The following CFH variants were observed in gnomAD, a reference collection of about 807,000 sequenced individuals.
The protein encoded by CFH is H factor 1 (complement).
CFH carries 53 observed loss-of-function variants against 147.3 expected under a neutral mutation model. That is an observed-to-expected ratio of 0.36 (90% CI 0.29 to 0.45). The LOEUF is 0.45. CFH is among the 20% of genes least tolerant of loss of function. The probability of loss-of-function intolerance (pLI) is 1.00; values close to 1 mark genes in which losing one functional copy is unlikely to be tolerated. For synonymous variants in CFH, 536 were observed against 489.4 expected, an observed-to-expected ratio of 1.10 and a Z score of -1.26; for missense variants, 1,380 against 1,498.0, an observed-to-expected ratio of 0.92 and a Z score of 1.30.
At position 196,736,919 on chromosome 1, in the gene CFH, G is replaced by T; in HGVS notation, c.2509G>T (p.Val837Phe). ...LNYRDGEKVSVLCQENYLIQE... is the reference protein window; with the variant it reads ...LNYRDGEKVSFLCQENYLIQE... The stretch of plus-strand genomic sequence containing the variant: ...TTATCGGGATGGAGAAAAAGTATCT[G>T]TTCTTTGCCAAGAAAATTATCTAAT... Residue 837 changes from valine to phenylalanine, a missense_variant, in exon 16 of 22, where the codon GTT (valine) becomes TTT (phenylalanine). By Grantham distance (50) the Val-to-Phe change is conservative. Coordinates refer to ENST00000367429, the MANE Select transcript of CFH (RefSeq NM_000186.4). The T allele has an allele frequency of 6.2e-7, 1 of 1,611,556 alleles. No homozygotes were observed. The highest frequency in any genetic ancestry group is 2.2e-5 in the East Asian group (1 of 44,662).
At chr1:196,670,602 C>A (rs1159715198) in intron 1 of CFH, among the ~76,000 whole-genome samples, 1 of 152,156 alleles carries the variant, frequency 6.6e-6, no homozygotes, top group African/African-American at 2.4e-5. Flanking sequence ...TCCACCATGA[C>A]TGTAACTTTC....
rs569661070 is a variant in CFH at position 196,671,600 on chromosome 1, A to ACACT, written c.59-1375_59-1374insTCAC. On this transcript the variant is annotated intron_variant, in intron 1 of 21. Transcript: ENST00000367429. Reference sequence around the variant, plus strand: ...TCAAAAGACTAATACACACACACACACACACACACACACACACACACACAC... The same window carrying ACACT: ...TCAAAAGACTAATACACACACACACACACTCACACACACACACACACACACACAC... Among the ~76,000 whole-genome samples, 853 of 149,784 alleles carry ACACT rather than the reference A, an allele frequency of 5.7e-3. 23 individuals are homozygous for ACACT. The South Asian group carries it at 0.07, about 12-fold the overall frequency.
chr1:196,723,185 C>T (rs1359861821), intron 11 of CFH, among the ~76,000 whole-genome samples: 1 of 152,124 alleles, frequency 6.6e-6, no homozygotes. Flanking sequence ...GGTTTCTTCT[C>T]ATCCAGATGA....
rs1470206508 is a variant in CFH at position 196,689,529 on chromosome 1, T to C, written c.1074T>C (p.Asp358=). Residue 358 remains aspartate, a synonymous_variant, in exon 8 of 22, where the codon GAT becomes GAC. Coordinates refer to ENST00000367429, the MANE Select transcript of CFH (RefSeq NM_000186.4). ...AVGKYYSYYC[D]EHFETPSGSY... ...GAAAATATTACTCCTATTACTGTGA[T>C]GAACATTTTGAGACTCCGTCAGGAA... 1.2e-6 allele frequency: 2 copies of C among 1,613,646 alleles called. No homozygotes were observed. Among genetic ancestry groups the C allele is most frequent in the Admixed American group, 3.3e-5 (2 of 59,956 alleles).
At chr1:196,673,267 C>A in intron 2 of CFH, 104 bp downstream of exon 2, 1 of 1,052,910 alleles carries the variant, frequency 9.5e-7, no homozygotes, top group Non-Finnish European at 1.5e-6. Flanking sequence ...TATTGCCAGT[C>A]AAATACAAAA....
At chr1:196,746,797 C>T (rs1340145291) in intron 21 of CFH, among the ~76,000 whole-genome samples, 1 of 152,132 alleles carries the variant, frequency 6.6e-6, no homozygotes, top group Admixed American at 6.5e-5. Flanking sequence ...AAAGTTTGTA[C>T]TCTTTGACCA....
At chr1:196,713,965 AG>A in intron 10 of CFH, 48 bp downstream of exon 10, 1 of 1,541,178 alleles carries the variant, frequency 6.5e-7, no homozygotes, top group East Asian at 2.3e-5. Context: ...GATACACAAA[AG>A]TTTACTAACT....
rs1353685509 is a variant in CFH at position 196,690,052 on chromosome 1, A to G, written c.1160-11A>G. ...TTTACTTTATTTATTTATCATTGTT[A>G]TGGTCCTTAGGAAAATGTTATTTTC... On this transcript the variant is annotated splice_polypyrimidine_tract_variant and intron_variant, in intron 8 of 21. Coordinates refer to ENST00000367429, the MANE Select transcript of CFH (RefSeq NM_000186.4). The G allele has an allele frequency of 1.9e-6, 3 of 1,599,486 alleles. No individual in the cohort carries two copies. Among genetic ancestry groups the G allele is most frequent in the Non-Finnish European group, 1.7e-6 (2 of 1,168,802 alleles).
At chr1:196,722,626 C>T (rs1435850874) in intron 11 of CFH, among the ~76,000 whole-genome samples, 3 of 152,126 alleles carry the variant, frequency 2.0e-5, no homozygotes, top group African/African-American at 7.2e-5. Context: ...ATAAGGATTT[C>T]TATGTCTCTA....
At chr1:196,654,358 G>T (rs192980375) in intron 1 of CFH, among the ~76,000 whole-genome samples, 1 of 151,502 alleles carries the variant, frequency 6.6e-6, no homozygotes, top group African/African-American at 2.4e-5. Flanking sequence ...TAATATATTG[G>T]GTACTACATA....
At chr1:196,743,751 G>A (rs566067966) in intron 20 of CFH, 123 bp downstream of exon 20, 4 of 1,391,210 alleles carry the variant, frequency 2.9e-6, no homozygotes, top group Admixed American at 1.8e-5. Context: ...ATGACTGATG[G>A]TGCTTAAAAT....
chr1:196,725,123 A>C lies in CFH; in HGVS notation c.1699A>C (p.Arg567=), dbSNP rs757756991. The C allele has an allele frequency of 1.2e-6, 2 of 1,612,234 alleles. No homozygotes were observed. Among genetic ancestry groups the C allele is most frequent in the African/African-American group, 2.7e-5 (2 of 74,868 alleles). Residue 567 remains arginine (R), a splice_region_variant and synonymous_variant, in exon 12 of 22, where the codon AGA becomes CGA. Coordinates refer to ENST00000367429, the MANE Select transcript of CFH (RefSeq NM_000186.4). ...GAAATTATTTTACCTTTTTCAAGAA[A>C]GAGAATGCGAACTTCCTAAAATAGA... ...GWSDLPICYE[R]ECELPKIDVH...
chr1:196,717,024 C>G (rs1668886388), intron 11 of CFH, among the ~76,000 whole-genome samples: 1 of 151,768 alleles, frequency 6.6e-6, no homozygotes, highest in Non-Finnish European at 1.5e-5. Flanking sequence ...GAAACATTAC[C>G]ACATTTATAT....
At chr1:196,669,655 T>C (rs564422669) in intron 1 of CFH, among the ~76,000 whole-genome samples, 6 of 151,848 alleles carry the variant, frequency 4.0e-5, no homozygotes, top group African/African-American at 1.4e-4. Flanking sequence ...ATTCAGAAAA[T>C]GTATATAAGT....
intron 11 of CFH, 137 bp downstream of exon 11, chr1:196,715,906 T>C: frequency 1.3e-6 from 1 of 741,974 alleles, no homozygotes; most frequent in South Asian, 2.1e-5. Context: ...TGACATAAAC[T>C]GGGAAAAGAA....
chr1:196,661,165 T>C (rs1258805371), intron 1 of CFH, among the ~76,000 whole-genome samples: 3 of 152,130 alleles, frequency 2.0e-5, no homozygotes, highest in Non-Finnish European at 2.9e-5. Context: ...ATCGAAATAG[T>C]GCAATGTGGA....
chr1:196,657,305 G>C (rs1666735824), intron 1 of CFH, among the ~76,000 whole-genome samples: 1 of 151,962 alleles, frequency 6.6e-6, no homozygotes, highest in Non-Finnish European at 1.5e-5. Flanking sequence ...AAAATAATTT[G>C]AATATTTCTT....
intron 18 of CFH, 94 bp downstream of exon 18, chr1:196,740,886 A>G: frequency 8.0e-7 from 1 of 1,252,698 alleles, no homozygotes; most frequent in Non-Finnish European, 1.2e-6. Flanking sequence ...GACTCTAGAA[A>G]TTCATAAGGT....
intron 15 of CFH, among the ~76,000 whole-genome samples, chr1:196,729,198 C>G (rs1382635192): frequency 6.6e-6 from 1 of 151,938 alleles, no homozygotes; most frequent in Non-Finnish European, 1.5e-5. Context: ...GCATTGACAA[C>G]CAATACAAAA....
Sources: gnomAD v4.1 joint callset for allele counts (sites outside exome capture counted in the v4.1 genomes callset) on GRCh38, gnomAD v4.1.1 for gene constraint, MANE v1.5 for transcripts, NCBI Gene and HGNC (gene_info 2026-07-23, HGNC 2026-07-21) for gene names.